MARCO: variants seen among roughly 807,000 people sequenced by gnomAD.
The protein encoded by MARCO is macrophage receptor with collagenous structure, also known as macrophage receptor MARCO.
MARCO carries 72 observed loss-of-function variants against 70.0 expected under a neutral mutation model. The observed-to-expected ratio is 1.03, with a 90% confidence interval of 0.85 to 1.25. The LOEUF (loss-of-function observed/expected upper bound fraction) is 1.25, where lower values mean the gene tolerates loss of function less well. Ranked by LOEUF, MARCO falls within the 50% of genes most tolerant of loss-of-function variation. MARCO has a pLI of 0.00. For missense variants in MARCO, 696 were observed against 659.3 expected (o/e 1.06, Z -0.61); for synonymous variants, 273 against 243.1 (o/e 1.12, Z -1.14).
rs77896687 is a variant in MARCO, at chr2:118,977,342, G to A, written c.614-129G>A. 0.013 allele frequency: 10,107 copies of A among 759,760 alleles called. 694 individuals carry two copies. The African/African-American group carries it at 0.15, about 11-fold the overall frequency. The allele number at this position is 759,760 out of a possible 1,614,324, so 47.1% of individuals were successfully genotyped here. ...AAAGAGAGAGAGAGAGAGAGTGAGA[G>A]TGAGAGAGAGAGAAAGATCTCCTTC... is the stretch of plus-strand genomic sequence containing the variant. On this transcript the variant is annotated intron_variant, in intron 6 of 16. Transcript: ENST00000327097.
chr2:118,975,605 GCAGT>G (rs1391614591), intron 6 of MARCO, among the ~76,000 whole-genome samples: 4 of 152,176 alleles, frequency 2.6e-5, no homozygotes, highest in South Asian at 2.1e-4. Context: ...GGTTTATGGT[GCAGT>G]CAGAGGTGTG....
At chr2:118,973,364 C>T (rs1030687829) in intron 4 of MARCO, among the ~76,000 whole-genome samples, 4 of 151,954 alleles carry the variant, frequency 2.6e-5, no homozygotes, top group Admixed American at 2.6e-4. Context: ...CTTTCTCAGT[C>T]TCTCTCTGTC....
chr2:118,957,204 T>A (rs1226175149), intron 1 of MARCO, among the ~76,000 whole-genome samples: 1 of 152,014 alleles, frequency 6.6e-6, no homozygotes, highest in Non-Finnish European at 1.5e-5. Context: ...AAAAGCTGGT[T>A]CTTTAAAATA....
chr2:118,970,796 C>G (rs1338642240), intron 3 of MARCO, among the ~76,000 whole-genome samples: 8 of 152,230 alleles, frequency 5.3e-5, no homozygotes, highest in Admixed American at 4.6e-4. Flanking sequence ...GCTGCACCCT[C>G]TCCTCTCTCA....
chr2:118,957,459 C>A (rs1679859060), intron 1 of MARCO, among the ~76,000 whole-genome samples: 1 of 152,000 alleles, frequency 6.6e-6, no homozygotes, highest in South Asian at 2.1e-4. Flanking sequence ...ATACCCTGAA[C>A]AGACCAATAG....
chr2:118,986,588 A>AGAAAGAAAGAAG (rs1680490334), intron 12 of MARCO, among the ~76,000 whole-genome samples: 3 of 8,042 alleles, frequency 3.7e-4, no homozygotes, highest in Middle Eastern at 0.038. Context: ...GAAGGAAAGA[A>AGAAAGAAAGAAG]GAAAGAAAGA....
At position 118,993,236 on chromosome 2, in the gene MARCO, T is replaced by C. The variant is rs760152658; in HGVS notation, c.1365T>C (p.Asp455=). 5 of 1,614,050 alleles carry C rather than the reference T, an allele frequency of 3.1e-6. No individual in the cohort carries two copies. In the African/African-American group the frequency reaches 4.0e-5, roughly 13 times the overall value. ...TICDDEWQNS[D]AIVFCRMLGY... is the part of the protein sequence containing the mutation. ...GCGATGACGAGTGGCAAAATTCTGA[T>C]GCCATTGTCTTCTGCCGCATGCTGG... Residue 455 remains aspartate (D), a synonymous_variant, in exon 16 of 17, where the codon GAT becomes GAC. Transcript: ENST00000327097.
At chr2:118,993,349 G>T in intron 16 of MARCO, 49 bp downstream of exon 16, 1 of 1,569,246 alleles carries the variant, frequency 6.4e-7, no homozygotes, top group South Asian at 1.1e-5. Context: ...TGTGGATGTG[G>T]CTTTCTCTCG....
chr2:118,986,643 A>AAAG (rs1680498190), intron 12 of MARCO, among the ~76,000 whole-genome samples: 1 of 47,670 alleles, frequency 2.1e-5, no homozygotes, highest in Non-Finnish European at 3.7e-5. Flanking sequence ...GAAAGAAAGA[A>AAAG]AGAAAGAAAG....
At chr2:118,950,147 A>G (rs1246656401) in intron 1 of MARCO, among the ~76,000 whole-genome samples, 4 of 152,206 alleles carry the variant, frequency 2.6e-5, no homozygotes, top group African/African-American at 9.6e-5. Flanking sequence ...TTTATACTAG[A>G]AAAGCTAAAT....
Position 118,981,089 on chromosome 2 carries a change from C to A in MARCO, c.767-320C>A, listed in dbSNP as rs1157697872. Among the ~76,000 whole-genome samples, 4 of 152,256 alleles carry A rather than the reference C, an allele frequency of 2.6e-5. No individual in the cohort carries two copies. The East Asian group carries it at 7.7e-4, about 29-fold the overall frequency. On this transcript the variant is annotated intron_variant, in intron 8 of 16. Transcript: ENST00000327097. ...TTTTTGAAGTGAATTCAAATAATTG[C>A]CAAAATGCAGACACTAAAACAAGCC...
chr2:118,969,278 C>G lies in MARCO; in HGVS notation c.199+17C>G. 5.0e-6 allele frequency: 8 copies of G among 1,605,310 alleles called. No individual in the cohort carries two copies. Among genetic ancestry groups the G allele is most frequent in the Non-Finnish European group, 6.8e-6 (8 of 1,172,196 alleles). On this transcript the variant is annotated intron_variant, in intron 2 of 16. Transcript: ENST00000327097. The stretch of plus-strand genomic sequence containing the variant: ...TGGTCCAAGGTAAAGCAGGCTTGGT[C>G]CTGTGTAGTCCCTCCTGGGGGGAGA...
intron 1 of MARCO, among the ~76,000 whole-genome samples, chr2:118,956,320 C>G (rs145771193): frequency 5.4e-4 from 82 of 152,118 alleles, no homozygotes; most frequent in African/African-American, 2.0e-3. Flanking sequence ...CAAATGGACA[C>G]CAAAAGTGAG....
Position 118,971,516 on chromosome 2 carries a change from G to A in MARCO, c.442G>A (p.Gly148Ser). The change falls in exon 4 of 17, where the codon GGT becomes AGT. Residue 148 changes from glycine (G) to serine (S), a missense_variant. Physicochemically the swap from Gly to Ser is moderately conservative, Grantham distance 56. This residue lies in a region of MARCO where 605 missense variants were observed against 537.6 expected (regional missense o/e 1.13). Coordinates refer to ENST00000327097, the MANE Select transcript of MARCO (RefSeq NM_006770.4). ...CCTTGCAGGGATGTTCAGAATCAAA[G>A]GTGAACAAGGCGCCCCAGGTAGGTT... ...TQNPGMFRIK[G>S]EQGAPGLQGH... 6.2e-7 allele frequency: 1 copy of A among 1,613,980 alleles called. No homozygotes were observed.
intron 4 of MARCO, 91 bp from the exon 5 acceptor site, chr2:118,974,242 T>G: frequency 1.3e-6 from 1 of 791,452 alleles, no homozygotes; most frequent in Non-Finnish European, 2.2e-6. Flanking sequence ...CAGTGAACGT[T>G]TGTTGAATGA....
At chr2:118,972,551 G>T (rs756105560) in intron 4 of MARCO, among the ~76,000 whole-genome samples, 3 of 152,134 alleles carry the variant, frequency 2.0e-5, no homozygotes, top group Non-Finnish European at 4.4e-5. Flanking sequence ...GTAAGATGGA[G>T]ATATGGTAGG....
At chr2:118,943,394 A>G (rs1679539586) in intron 1 of MARCO, among the ~76,000 whole-genome samples, 1 of 152,256 alleles carries the variant, frequency 6.6e-6, no homozygotes, top group South Asian at 2.1e-4. Flanking sequence ...GAGACTGAAG[A>G]TGTTCAAGCA....
chr2:118,983,075 T>C (rs1680425007), intron 12 of MARCO, among the ~76,000 whole-genome samples: 1 of 152,236 alleles, frequency 6.6e-6, no homozygotes, highest in African/African-American at 2.4e-5. Flanking sequence ...ATGCAGGGTA[T>C]TGCAGTGAAC....
chr2:118,944,058 A>G (rs575650865), intron 1 of MARCO, among the ~76,000 whole-genome samples: 28 of 152,270 alleles, frequency 1.8e-4, no homozygotes, highest in Non-Finnish European at 3.2e-4. Context: ...CTGCAATGGC[A>G]GGACAGGGCT....
Sources: allele counts gnomAD v4.1 joint callset (sites outside exome capture counted in the v4.1 genomes callset), GRCh38; gene constraint gnomAD v4.1.1; regional missense constraint gnomAD v4.1.1; transcripts MANE v1.5; gene names NCBI Gene and HGNC (gene_info 2026-07-23, HGNC 2026-07-21).